SPRR1B: variants seen among roughly 807,000 people sequenced by gnomAD.
SPRR1B encodes small proline rich protein 1B.
SPRR1B carries 1 observed loss-of-function variant against 1.2 expected under a neutral mutation model. The ratio of observed to expected loss-of-function variants is 0.82; its 90% CI spans 0.29 to 3.89. The LOEUF is 3.89. SPRR1B is among the 30% of genes most tolerant of loss of function. The pLI is 0.18. For synonymous variants in SPRR1B, 37 were observed against 38.3 expected (o/e 0.97, Z 0.13); for missense variants, 102 against 106.0 (o/e 0.96, Z 0.17).
chr1:153,032,779 A>C lies in SPRR1B; in HGVS notation c.*164A>C. On this transcript the variant is annotated 3_prime_UTR_variant, in exon 2 of 2. Transcript: ENST00000307098. ...CTACACACTCTGAGTCTCTGAATGAAGCTGAAGGTCTTAGTACCAGAGCTA... is the reference window on the plus strand; with the variant it reads ...CTACACACTCTGAGTCTCTGAATGACGCTGAAGGTCTTAGTACCAGAGCTA... The C allele has an allele frequency of 7.7e-7, 1 of 1,296,398 alleles. No individual in the cohort carries two copies. The highest frequency in any genetic ancestry group is 1.6e-5 in the South Asian group (1 of 62,194). 80.3% of individuals were successfully genotyped at this position (1,296,398 alleles called of 1,614,324 possible).
intron 1 of SPRR1B, among the ~76,000 whole-genome samples, chr1:153,032,114 T>C (rs1312192572): frequency 2.6e-5 from 4 of 152,128 alleles, no homozygotes; most frequent in African/African-American, 7.2e-5. Flanking sequence ...TTGTGCTGTG[T>C]AGGAAGAAAG....
In SPRR1B at chr1:153,032,511, C is replaced by A. The variant is rs1464602096; in HGVS notation, c.166C>A (p.Pro56Thr). ...GCCCTGCCACCCCAAAGTGCCCGAGCCCTGCCAGCCCAAGGTTCCAGAGCC... is the reference window on the plus strand; with the variant it reads ...GCCCTGCCACCCCAAAGTGCCCGAGACCTGCCAGCCCAAGGTTCCAGAGCC... ...PEPCHPKVPE[P>T]CQPKVPEPCH... The change falls in exon 2 of 2, where the codon CCC (proline) becomes ACC (threonine). Residue 56 changes from proline to threonine, a missense_variant. Physicochemically the swap from Pro to Thr is conservative, Grantham distance 38. Coordinates refer to ENST00000307098, the MANE Select transcript of SPRR1B (RefSeq NM_003125.3). 2 of 1,494,142 alleles carry A rather than the reference C, an allele frequency of 1.3e-6. No individual in the cohort carries two copies. Among genetic ancestry groups the A allele is most frequent in the Non-Finnish European group, 9.2e-7 (1 of 1,084,038 alleles). The allele number at this position is 1,494,142 out of a possible 1,614,324, so 92.6% of individuals were successfully genotyped here.
rs1042443634 is a variant in SPRR1B, at chr1:153,032,842, A to C, written c.*227A>C. 1.9e-5 allele frequency: 15 copies of C among 779,182 alleles called. No homozygotes were observed. Among genetic ancestry groups the C allele is most frequent in the Middle Eastern group, 7.2e-4 (2 of 2,778 alleles). 48.3% of individuals were successfully genotyped at this position (779,182 alleles called of 1,614,324 possible). A position where few individuals can be genotyped will look rare whatever the true frequency, so the allele number is the denominator to read the frequency against. On this transcript the variant is annotated 3_prime_UTR_variant, in exon 2 of 2. Coordinates refer to ENST00000307098, the MANE Select transcript of SPRR1B (RefSeq NM_003125.3). Reference sequence around the variant, plus strand: ...TCAGAATTCATCTGAAGAGAGACTTAAGATGAAAGCAAATGATTCAGCTCC... The same window carrying C: ...TCAGAATTCATCTGAAGAGAGACTTCAGATGAAAGCAAATGATTCAGCTCC...
chr1:153,032,265 G>T, intron 1 of SPRR1B, 62 bp from the exon 2 acceptor site: 1 of 1,524,750 alleles, frequency 6.6e-7, no homozygotes, highest in Non-Finnish European at 8.9e-7. Context: ...GAGACCAGAA[G>T]TGGTATTCAC....
At chr1:153,032,171 C>T (rs1557898731) in intron 1 of SPRR1B, among the ~76,000 whole-genome samples, 156 bp from the exon 2 acceptor site, 1 of 152,130 alleles carries the variant, frequency 6.6e-6, no homozygotes, top group Non-Finnish European at 1.5e-5. Context: ...AGCAAATCAT[C>T]TTTAGGTTCC....
chr1:153,031,315 G>A (rs1653700817), intron 1 of SPRR1B, 68 bp downstream of exon 1: 1 of 116,486 alleles, frequency 8.6e-6, no homozygotes, highest in Non-Finnish European at 1.8e-5. Context: ...GAGTCTCCTT[G>A]GCATTCTTGG....
chr1:153,032,476 A>G lies in SPRR1B; in HGVS notation c.131A>G (p.Lys44Arg), dbSNP rs1217677800. 3.3e-5 allele frequency: 50 copies of G among 1,496,202 alleles called. No homozygotes were observed. The highest frequency in any genetic ancestry group is 4.1e-5 in the Non-Finnish European group (44 of 1,086,056). The allele number at this position is 1,496,202 out of a possible 1,614,324, so 92.7% of individuals were successfully genotyped here. The change falls in exon 2 of 2, where the codon AAG (lysine) becomes AGG (arginine). Residue 44 changes from lysine to arginine, a missense_variant. Physicochemically the swap from Lys to Arg is conservative, Grantham distance 26 (BLOSUM62 2). Coordinates refer to ENST00000307098, the MANE Select transcript of SPRR1B (RefSeq NM_003125.3). ...AAAACCAAGGAGCCCTGCCACCCCAAGGTGCCTGAGCCCTGCCACCCCAAA... is the reference window on the plus strand; with the variant it reads ...AAAACCAAGGAGCCCTGCCACCCCAGGGTGCCTGAGCCCTGCCACCCCAAA... Reference protein sequence around the residue: ...IPKTKEPCHPKVPEPCHPKVP... With the variant: ...IPKTKEPCHPRVPEPCHPKVP...
chr1:153,032,306 A>G, intron 1 of SPRR1B, 21 bp from the exon 2 acceptor site: 2 of 1,595,894 alleles, frequency 1.3e-6, no homozygotes, highest in Non-Finnish European at 1.7e-6. Flanking sequence ...TCTCTGCTTA[A>G]ATCATCTGTT....
chr1:153,032,327 G>C lies in SPRR1B; in HGVS notation c.-19G>C. The C allele has an allele frequency of 4.3e-6, 7 of 1,611,764 alleles. No individual in the cohort carries two copies. Among genetic ancestry groups the C allele is most frequent in the Non-Finnish European group, 5.9e-6 (7 of 1,178,852 alleles). On this transcript the variant is annotated splice_region_variant and 5_prime_UTR_variant, in exon 2 of 2. Transcript: ENST00000307098. ...CTTAAATCATCTGTTCTGTGTCCAG[G>C]ACCAGTCACTGTTGCAGCATGAGTT...
At position 153,032,796 on chromosome 1, in the gene SPRR1B, C is replaced by T. The variant is rs188235868; in HGVS notation, c.*181C>T. ...CTGAATGAAGCTGAAGGTCTTAGTA[C>T]CAGAGCTAGTTTTCAGCTGCTCAGA... On this transcript the variant is annotated 3_prime_UTR_variant, in exon 2 of 2. Coordinates refer to ENST00000307098, the MANE Select transcript of SPRR1B (RefSeq NM_003125.3). The T allele has an allele frequency of 3.7e-4, 436 of 1,166,470 alleles. 3 individuals carry two copies. In the East Asian group the frequency reaches 0.011, roughly 30 times the overall value. The allele number at this position is 1,166,470 out of a possible 1,614,324, so 72.3% of individuals were successfully genotyped here. A position where few individuals can be genotyped will look rare whatever the true frequency, so the allele number is the denominator to read the frequency against.
rs1319927096 is a variant in SPRR1B at position 153,032,844 on chromosome 1, G to A, written c.*229G>A. The stretch of plus-strand genomic sequence containing the variant: ...AGAATTCATCTGAAGAGAGACTTAA[G>A]ATGAAAGCAAATGATTCAGCTCCCT... On this transcript the variant is annotated 3_prime_UTR_variant, in exon 2 of 2. Coordinates refer to ENST00000307098, the MANE Select transcript of SPRR1B (RefSeq NM_003125.3). 2.6e-6 allele frequency: 2 copies of A among 776,482 alleles called. No individual in the cohort carries two copies. The highest frequency in any genetic ancestry group is 2.8e-5 in the East Asian group (1 of 36,282). 48.1% of individuals were successfully genotyped at this position (776,482 alleles called of 1,614,324 possible).
At position 153,032,516 on chromosome 1, in the gene SPRR1B, C is replaced by T. The variant is rs771988345; in HGVS notation, c.171C>T (p.Cys57=). 2 of 1,494,106 alleles carry T rather than the reference C, an allele frequency of 1.3e-6. No homozygotes were observed. The highest frequency in any genetic ancestry group is 2.3e-5 in the East Asian group (1 of 43,424). The allele number at this position is 1,494,106 out of a possible 1,614,324, so 92.6% of individuals were successfully genotyped here. The change falls in exon 2 of 2, where the codon TGC becomes TGT. Residue 57 remains cysteine (C), a synonymous_variant. Transcript: ENST00000307098. The part of the protein sequence containing the change: ...EPCHPKVPEP[C]QPKVPEPCHP... ...GCCACCCCAAAGTGCCCGAGCCCTG[C>T]CAGCCCAAGGTTCCAGAGCCATGCC... is the stretch of plus-strand genomic sequence containing the variant.
intron 1 of SPRR1B, 23 bp downstream of exon 1, chr1:153,031,270 C>A (rs1157629955): frequency 6.6e-6 from 1 of 152,206 alleles, no homozygotes; most frequent in East Asian, 1.9e-4. Context: ...ACTTGGAACT[C>A]TTTAGCATCC....
chr1:153,031,544 C>T (rs1257185967), intron 1 of SPRR1B, among the ~76,000 whole-genome samples: 1 of 151,090 alleles, frequency 6.6e-6, no homozygotes, highest in Non-Finnish European at 1.5e-5. Flanking sequence ...ATGACTAGAA[C>T]CCAGGTCCAC....
Position 153,032,654 on chromosome 1 carries a change from G to C in SPRR1B, c.*39G>C. 1 of 1,599,368 alleles carries C rather than the reference G, an allele frequency of 6.3e-7. No homozygotes were observed. The highest frequency in any genetic ancestry group is 8.5e-7 in the Non-Finnish European group (1 of 1,171,476). On this transcript the variant is annotated 3_prime_UTR_variant, in exon 2 of 2. Transcript: ENST00000307098. ...CATGCCCTTGAGGAGCCGGCCACCA[G>C]ATGCTGAATCCCCTATCCCATTCTG...
chr1:153,032,231 A>AG, intron 1 of SPRR1B, 96 bp from the exon 2 acceptor site: 1 of 1,388,354 alleles, frequency 7.2e-7, no homozygotes. Context: ...GTGGTCAAGA[A>AG]GGGGAAAGAA....
chr1:153,032,382 C>A lies in SPRR1B; in HGVS notation c.37C>A (p.Pro13Thr). Residue 13 changes from proline (P) to threonine (T), a missense_variant, in exon 2 of 2, where the codon CCC becomes ACC. Transcript: ENST00000307098. ...GCAGCAGAAGCAGCCTTGCACCCCA[C>A]CCCCTCAGCTTCAGCAGCAGCAGGT... ...SQQQKQPCTP[P>T]PQLQQQQVKQ... The A allele has an allele frequency of 6.2e-7, 1 of 1,613,780 alleles. No homozygotes were observed. Among genetic ancestry groups the A allele is most frequent in the Non-Finnish European group, 8.5e-7 (1 of 1,179,838 alleles).
chr1:153,031,447 CATT>C (rs1653704806), intron 1 of SPRR1B, among the ~76,000 whole-genome samples, 200 bp downstream of exon 1: 1 of 152,098 alleles, frequency 6.6e-6, no homozygotes, highest in African/African-American at 2.4e-5. Flanking sequence ...AGAATTTAGA[CATT>C]ATCAGTTCTT....
chr1:153,032,837 G>C lies in SPRR1B; in HGVS notation c.*222G>C, dbSNP rs945886223. The C allele has an allele frequency of 7.4e-6, 6 of 815,424 alleles. No individual in the cohort carries two copies. The highest frequency in any genetic ancestry group is 3.5e-5 in the African/African-American group (2 of 57,882). 50.5% of individuals were successfully genotyped at this position (815,424 alleles called of 1,614,324 possible). On this transcript the variant is annotated 3_prime_UTR_variant, in exon 2 of 2. Transcript: ENST00000307098. ...GCTGCTCAGAATTCATCTGAAGAGA[G>C]ACTTAAGATGAAAGCAAATGATTCA...
Sources: allele counts gnomAD v4.1 joint callset (sites outside exome capture counted in the v4.1 genomes callset), GRCh38; gene constraint gnomAD v4.1.1; transcripts MANE v1.5; gene names NCBI Gene and HGNC (gene_info 2026-07-23, HGNC 2026-07-21).